Variants in STT3B observed in about 807,000 individuals in gnomAD.
The protein encoded by STT3B is dolichyl-diphosphooligosaccharide--protein glycosyltransferase subunit STT3B.
A neutral mutation model predicts 96.8 loss-of-function variants in STT3B; 29 were observed. That is an observed-to-expected ratio of 0.30 (90% CI 0.22 to 0.41). The LOEUF (loss-of-function observed/expected upper bound fraction) is 0.41. Among genes scored for constraint, STT3B ranks in the 10% least tolerant of loss-of-function variants. STT3B has a pLI of 1.00. For missense variants in STT3B, 640 were observed against 1,022.3 expected (o/e 0.63, Z 5.10); for synonymous variants, 367 against 360.0 (o/e 1.02, Z -0.22).
Position 31,617,003 on chromosome 3 carries a change from A to G in STT3B, c.1051A>G (p.Thr351Ala). Residue 351 changes from threonine (T) to alanine (A), a missense_variant, in exon 7 of 16, where the codon ACC (threonine) becomes GCC (alanine). Thr to Ala is a moderately conservative substitution (Grantham distance 58, BLOSUM62 0). Around this residue, in one of 8 missense-constraint regions of STT3B, gnomAD observed 267 missense variants for 388.3 expected, o/e 0.69. Transcript: ENST00000295770. Reference protein sequence around the residue: ...RDRLTKQEFQTLFFLGVSLAA... With the variant: ...RDRLTKQEFQALFFLGVSLAA... ...CCGATTAACAAAACAAGAGTTCCAG[A>G]CCCTTTTCTTTTTGGGTGTATCACT... is the stretch of plus-strand genomic sequence containing the variant. The G allele has an allele frequency of 6.2e-7, 1 of 1,611,670 alleles. No individual in the cohort carries two copies. Among genetic ancestry groups the G allele is most frequent in the Non-Finnish European group, 8.5e-7 (1 of 1,178,200 alleles).
intron 1 of STT3B, among the ~76,000 whole-genome samples, chr3:31,541,988 C>T (rs1044343118): frequency 2.6e-5 from 4 of 152,108 alleles, no homozygotes; most frequent in Non-Finnish European, 4.4e-5. Context: ...TTTCTTTTCA[C>T]TTGAGATTTA....
intron 15 of STT3B, among the ~76,000 whole-genome samples, chr3:31,635,586 C>T (rs1042663534): frequency 2.0e-5 from 3 of 152,148 alleles, no homozygotes; most frequent in Admixed American, 6.5e-5. Flanking sequence ...ACTAAGTTAA[C>T]GTGTTTTTCT....
At chr3:31,559,939 C>A (rs1697831417) in intron 1 of STT3B, among the ~76,000 whole-genome samples, 1 of 151,982 alleles carries the variant, frequency 6.6e-6, no homozygotes, top group Admixed American at 6.5e-5. Flanking sequence ...TATATAATTA[C>A]CTTCTTTGTC....
chr3:31,595,755 C>T (rs1275657731), intron 3 of STT3B, among the ~76,000 whole-genome samples: 1 of 152,150 alleles, frequency 6.6e-6, no homozygotes, highest in Non-Finnish European at 1.5e-5. Flanking sequence ...ATTTTAAATT[C>T]CACACCTATA....
chr3:31,636,086 C>T lies in STT3B; in HGVS notation c.*22C>T, dbSNP rs1423268601. ...TTAAATGCACTGTTCTGGTTCCTAA[C>T]TTGAAGCAGTTGTCCTTGTGAGAAC... On this transcript the variant is annotated 3_prime_UTR_variant, in exon 16 of 16. Coordinates refer to ENST00000295770, the MANE Select transcript of STT3B (RefSeq NM_178862.3). The T allele has an allele frequency of 1.9e-6, 3 of 1,562,512 alleles. No homozygotes were observed. Among genetic ancestry groups the T allele is most frequent in the East Asian group, 2.3e-5 (1 of 43,798 alleles).
chr3:31,619,018 T>C (rs931461317), intron 8 of STT3B, among the ~76,000 whole-genome samples: 1 of 152,106 alleles, frequency 6.6e-6, no homozygotes, highest in Non-Finnish European at 1.5e-5. Context: ...TCAGTAATAA[T>C]TTTTTCAGTC....
At chr3:31,629,037 T>C (rs1466994637) in intron 13 of STT3B, among the ~76,000 whole-genome samples, 1 of 152,036 alleles carries the variant, frequency 6.6e-6, no homozygotes, top group African/African-American at 2.4e-5. Flanking sequence ...GCCCAGGAGG[T>C]TGAGGCTGCA....
intron 1 of STT3B, among the ~76,000 whole-genome samples, chr3:31,552,972 C>T (rs948050761): frequency 6.6e-6 from 1 of 151,670 alleles, no homozygotes; most frequent in South Asian, 2.1e-4. Context: ...CATGGTGGCG[C>T]GTGCCTGTAG....
At chr3:31,593,263 C>T (rs1191698460) in intron 3 of STT3B, among the ~76,000 whole-genome samples, 4 of 151,866 alleles carry the variant, frequency 2.6e-5, no homozygotes, top group South Asian at 2.1e-4. Context: ...TTTCATTTAA[C>T]GCTGTGAGTA....
chr3:31,549,914 G>A (rs1697509014), intron 1 of STT3B, among the ~76,000 whole-genome samples: 2 of 152,092 alleles, frequency 1.3e-5, no homozygotes, highest in South Asian at 4.1e-4. Flanking sequence ...GCTTAGCTGA[G>A]CAAAGTGTCA....
At chr3:31,595,092 A>T (rs1055263564) in intron 3 of STT3B, among the ~76,000 whole-genome samples, 6 of 152,068 alleles carry the variant, frequency 3.9e-5, no homozygotes, top group Non-Finnish European at 5.9e-5. Context: ...TGTGACCTAA[A>T]CCCAGCAAAG....
chr3:31,541,677 T>C (rs1697273634), intron 1 of STT3B, among the ~76,000 whole-genome samples: 1 of 152,048 alleles, frequency 6.6e-6, no homozygotes, highest in African/African-American at 2.4e-5. Context: ...CTTGGGTTCA[T>C]GTCATTCTCC....
chr3:31,619,039 C>T (rs949641661), intron 8 of STT3B, among the ~76,000 whole-genome samples: 6 of 151,896 alleles, frequency 4.0e-5, no homozygotes, highest in African/African-American at 1.2e-4. Flanking sequence ...CTTTCCATTT[C>T]CTTCACCTGT....
intron 2 of STT3B, 63 bp from the exon 3 acceptor site, chr3:31,579,746 A>G (rs1039586522): frequency 1.9e-5 from 24 of 1,279,664 alleles, no homozygotes; most frequent in Non-Finnish European, 2.4e-5. Context: ...TGAAGAGTAC[A>G]TACATTAATA....
At chr3:31,619,517 A>G (rs759960015) in intron 8 of STT3B, among the ~76,000 whole-genome samples, 159 bp from the exon 9 acceptor site, 20 of 152,314 alleles carry the variant, frequency 1.3e-4, no homozygotes, top group African/African-American at 4.3e-4. Flanking sequence ...TAGACCAAAC[A>G]GAAACTATCC....
In STT3B at chr3:31,626,061, T is replaced by C. The variant is rs1461675973; in HGVS notation, c.2007T>C (p.Gly669=). ...TTGGAGGGGTTATTGGCTATTCTGG[T>C]GATGATATCAACAAATTTCTCTGGA... ...VIFGGVIGYS[G]DDINKFLWMV... The change falls in exon 13 of 16, where the codon GGT becomes GGC. Residue 669 remains glycine (G), a synonymous_variant. Transcript: ENST00000295770. The C allele has an allele frequency of 1.2e-6, 2 of 1,613,754 alleles. No homozygotes were observed. Among genetic ancestry groups the C allele is most frequent in the African/African-American group, 2.7e-5 (2 of 74,908 alleles).
chr3:31,580,220 T>C, intron 3 of STT3B, 124 bp downstream of exon 3: 1 of 868,116 alleles, frequency 1.2e-6, no homozygotes, highest in Non-Finnish European at 1.8e-6. Flanking sequence ...TGTATTACTG[T>C]TCATAATCAA....
At chr3:31,572,347 T>A (rs927943274) in intron 1 of STT3B, among the ~76,000 whole-genome samples, 5 of 151,012 alleles carry the variant, frequency 3.3e-5, no homozygotes, top group Admixed American at 1.3e-4. Flanking sequence ...TAAGGAAAAC[T>A]TTTTTTAAAA....
intron 1 of STT3B, among the ~76,000 whole-genome samples, chr3:31,538,575 GGTCA>G (rs1463767531): frequency 6.6e-6 from 1 of 152,112 alleles, no homozygotes; most frequent in Non-Finnish European, 1.5e-5. Context: ...GGCTTTTATA[GGTCA>G]GCCTGTTGTC....
Sources: allele counts gnomAD v4.1 joint callset (sites outside exome capture counted in the v4.1 genomes callset), GRCh38; gene constraint gnomAD v4.1.1; regional missense constraint gnomAD v4.1.1; transcripts MANE v1.5; gene names NCBI Gene and HGNC (gene_info 2026-07-23, HGNC 2026-07-21).